The following DTD1 variants were observed in gnomAD, a reference collection of about 807,000 sequenced individuals.
The protein encoded by DTD1 is D-aminoacyl-tRNA deacylase 1.
DTD1 carries 13 observed loss-of-function variants against 25.6 expected under a neutral mutation model. The observed-to-expected ratio is 0.51, with a 90% confidence interval of 0.33 to 0.81. DTD1 has a LOEUF of 0.81. Ranked by LOEUF, DTD1 falls within the 30% of genes least tolerant of loss-of-function variation. The pLI is 0.02. For synonymous variants in DTD1, 110 were observed against 103.6 expected, an observed-to-expected ratio of 1.06 and a Z score of -0.37; for missense variants, 193 against 266.4, an observed-to-expected ratio of 0.72 and a Z score of 1.92.
chr20:18,695,491 T>C (rs1182415906), intron 4 of DTD1, among the ~76,000 whole-genome samples: 17 of 1,784 alleles, frequency 9.5e-3, no homozygotes, highest in African/African-American at 0.024. Flanking sequence ...CTTCCCTTCC[T>C]TTCCTTTCCC....
intron 4 of DTD1, among the ~76,000 whole-genome samples, chr20:18,729,927 G>A (rs1311770124): frequency 6.6e-6 from 1 of 151,744 alleles, no homozygotes; most frequent in East Asian, 1.9e-4. Flanking sequence ...TAGGCAGGTG[G>A]CCTGGCCTTT....
chr20:18,644,508 G>T (rs1282292890), intron 4 of DTD1, among the ~76,000 whole-genome samples: 1 of 152,210 alleles, frequency 6.6e-6, no homozygotes, highest in Non-Finnish European at 1.5e-5. Flanking sequence ...GATGTGACCT[G>T]TGAATAAAAT....
At chr20:18,675,810 T>C in intron 4 of DTD1, among the ~76,000 whole-genome samples, 1 of 151,220 alleles carries the variant, frequency 6.6e-6, no homozygotes, top group Non-Finnish European at 1.5e-5. Context: ...ATGTGTATAT[T>C]TACACACATA....
At position 18,764,830 on chromosome 20, in the gene DTD1, G is replaced by A. The variant is rs896181470; in HGVS notation, c.*1490G>A. ...CTGCTGTTTGAGTTATCTAAGCAGG[G>A]TTTTACAGAGTGAATTCAAATTCAC... On this transcript the variant is annotated 3_prime_UTR_variant, in exon 6 of 6. Transcript: ENST00000377452. 2.0e-5 allele frequency: 3 copies of A among 152,204 alleles called. No homozygotes were observed. The highest frequency in any genetic ancestry group is 6.5e-5 in the Admixed American group (1 of 15,282). The allele number at this position is 152,204 out of a possible 1,614,324, so 9.4% of individuals were successfully genotyped here.
At chr20:18,715,019 G>T (rs2061174634) in intron 4 of DTD1, among the ~76,000 whole-genome samples, 1 of 152,112 alleles carries the variant, frequency 6.6e-6, no homozygotes. Flanking sequence ...TGCAGGCCTT[G>T]TCCCTGCTTG....
intron 3 of DTD1, among the ~76,000 whole-genome samples, chr20:18,626,965 G>A (rs1323136640): frequency 6.6e-6 from 1 of 152,132 alleles, no homozygotes; most frequent in Non-Finnish European, 1.5e-5. Context: ...TTAAACACAT[G>A]ATTTCCTTCC....
chr20:18,674,081 C>A (rs1195888264), intron 4 of DTD1, among the ~76,000 whole-genome samples: 1 of 151,884 alleles, frequency 6.6e-6, no homozygotes, highest in Admixed American at 6.6e-5. Flanking sequence ...TTTATATATC[C>A]TACTTTGGTG....
chr20:18,762,089 C>T (rs537283550), intron 5 of DTD1, among the ~76,000 whole-genome samples: 10 of 152,144 alleles, frequency 6.6e-5, no homozygotes, highest in African/African-American at 1.9e-4. Context: ...ACAGGGACTT[C>T]GCTATCCAGC....
At chr20:18,736,253 A>G (rs1009634077) in intron 4 of DTD1, among the ~76,000 whole-genome samples, 6 of 152,132 alleles carry the variant, frequency 3.9e-5, no homozygotes, top group Admixed American at 2.0e-4. Context: ...TTAATCCTTC[A>G]AGCCTAGGTA....
intron 5 of DTD1, among the ~76,000 whole-genome samples, chr20:18,745,613 G>A (rs1335763973): frequency 6.6e-6 from 1 of 152,196 alleles, no homozygotes; most frequent in Non-Finnish European, 1.5e-5. Flanking sequence ...AGCTGCCTGA[G>A]CCAAGAGAAG....
intron 4 of DTD1, among the ~76,000 whole-genome samples, chr20:18,628,693 A>G (rs1290677039): frequency 1.3e-5 from 2 of 152,212 alleles, no homozygotes; most frequent in South Asian, 4.1e-4. Flanking sequence ...TTTGCTGCCA[A>G]TTTGTAAGCT....
chr20:18,695,496 T>C (rs567833743), intron 4 of DTD1, among the ~76,000 whole-genome samples: 100 of 50,072 alleles, frequency 2.0e-3, no homozygotes, highest in Non-Finnish European at 3.5e-3. Context: ...CTTCCTTTCC[T>C]TTCCCTTCCC....
At chr20:18,758,982 T>C (rs1051618690) in intron 5 of DTD1, among the ~76,000 whole-genome samples, 1 of 152,238 alleles carries the variant, frequency 6.6e-6, no homozygotes, top group East Asian at 1.9e-4. Flanking sequence ...CTCTTTACCA[T>C]TATGTAATGG....
chr20:18,636,487 A>T (rs761754881), intron 4 of DTD1, among the ~76,000 whole-genome samples: 2 of 152,272 alleles, frequency 1.3e-5, no homozygotes. Flanking sequence ...AGCACTTGCT[A>T]TACTTTTTTT....
chr20:18,725,564 C>A (rs2061220094), intron 4 of DTD1, among the ~76,000 whole-genome samples: 1 of 152,176 alleles, frequency 6.6e-6, no homozygotes, highest in South Asian at 2.1e-4. Context: ...CCAAGCTGAC[C>A]TGGCAGGAGC....
chr20:18,636,355 G>A (rs1026359432), intron 4 of DTD1, among the ~76,000 whole-genome samples: 1 of 152,152 alleles, frequency 6.6e-6, no homozygotes, highest in Non-Finnish European at 1.5e-5. Flanking sequence ...TCACAGTCCC[G>A]GGTAATTGTA....
In DTD1 at chr20:18,596,192, C is replaced by T. The variant is rs764556543; in HGVS notation, c.321C>T (p.Asn107=). Residue 107 remains asparagine, a synonymous_variant, in exon 3 of 6, where the codon AAC becomes AAT. Coordinates refer to ENST00000377452, the MANE Select transcript of DTD1 (RefSeq NM_080820.6). ...MPTEQAEGFY[N]SFLEQLRKTY... is the part of the protein sequence containing the mutation. ...CGGAGCAGGCAGAGGGCTTCTACAA[C>T]AGCTTCCTGGAGCAGCTGCGTAAAA... 1 of 1,614,180 alleles carries T rather than the reference C, an allele frequency of 6.2e-7. No homozygotes were observed. Among genetic ancestry groups the T allele is most frequent in the Admixed American group, 1.7e-5 (1 of 60,020 alleles).
chr20:18,646,486 T>A (rs939739274), intron 4 of DTD1, among the ~76,000 whole-genome samples: 1 of 152,126 alleles, frequency 6.6e-6, no homozygotes, highest in Non-Finnish European at 1.5e-5. Flanking sequence ...TGAAAACCCT[T>A]GAGGAACTAA....
At chr20:18,629,423 C>T (rs980430331) in intron 4 of DTD1, among the ~76,000 whole-genome samples, 7 of 151,272 alleles carry the variant, frequency 4.6e-5, no homozygotes, top group African/African-American at 1.7e-4. Context: ...ACCTCAGCCT[C>T]CTAAGTAGCT....
Sources: allele counts gnomAD v4.1 joint callset (sites outside exome capture counted in the v4.1 genomes callset), GRCh38; gene constraint gnomAD v4.1.1; transcripts MANE v1.5; gene names NCBI Gene and HGNC (gene_info 2026-07-23, HGNC 2026-07-21).